Variants in ANKRD6 observed in about 807,000 individuals in gnomAD.
ANKRD6 encodes the protein ankyrin repeat domain-containing protein 6.
In ANKRD6, 56 loss-of-function variants were observed where a neutral mutation model predicts 82.3. The observed-to-expected ratio is 0.68, with a 90% CI of 0.55 to 0.85. The LOEUF (loss-of-function observed/expected upper bound fraction) is 0.85. ANKRD6 is among the 40% of genes least tolerant of loss of function. ANKRD6 has a pLI of 0.00. For missense variants in ANKRD6, 852 were observed against 907.6 expected, an observed-to-expected ratio of 0.94 and a Z score of 0.79; for synonymous variants, 347 against 352.1, an observed-to-expected ratio of 0.99 and a Z score of 0.16.
intron 1 of ANKRD6, among the ~76,000 whole-genome samples, chr6:89,449,805 C>T (rs1381610196): frequency 2.0e-5 from 3 of 152,194 alleles, no homozygotes; most frequent in African/African-American, 7.2e-5. Flanking sequence ...TTATAATTCT[C>T]TTTTCTAACT....
chr6:89,543,188 T>C (rs1215098274), intron 1 of ANKRD6, among the ~76,000 whole-genome samples: 3 of 152,328 alleles, frequency 2.0e-5, no homozygotes, highest in Admixed American at 6.5e-5. Flanking sequence ...AATATACTAC[T>C]TTTTATGAGT....
rs200296488 is a variant in ANKRD6, at chr6:89,630,660, G to C, written c.1840G>C (p.Val614Leu). ...ATCTGATCAGCAGGCTGGGCCCTGC[G>C]TCAACAGAGGCACTCAAACTAAGAA... Reference protein sequence around the residue: ...ARSDQQAGPCVNRGTQTKKSG... With the variant: ...ARSDQQAGPCLNRGTQTKKSG... The change falls in exon 16 of 16, where the codon GTC (valine) becomes CTC (leucine). Residue 614 changes from valine (V) to leucine (L), a missense_variant. Transcript: ENST00000339746. The C allele has an allele frequency of 2.0e-5, 33 of 1,613,792 alleles. No individual in the cohort carries two copies. Among genetic ancestry groups the C allele is most frequent in the Non-Finnish European group, 2.6e-5 (31 of 1,179,840 alleles).
intron 1 of ANKRD6, among the ~76,000 whole-genome samples, chr6:89,521,765 A>G (rs979882940): frequency 6.6e-6 from 1 of 151,886 alleles, no homozygotes; most frequent in Non-Finnish European, 1.5e-5. Flanking sequence ...TTTCCTTATT[A>G]TATAAATAAT....
At chr6:89,575,766 A>G (rs997391688) in intron 2 of ANKRD6, among the ~76,000 whole-genome samples, 17 of 152,226 alleles carry the variant, frequency 1.1e-4, no homozygotes, top group African/African-American at 3.9e-4. Context: ...CAAATAGGGC[A>G]TGCCAGAGCC....
intron 1 of ANKRD6, among the ~76,000 whole-genome samples, chr6:89,472,542 C>T (rs777797734): frequency 5.3e-5 from 8 of 152,188 alleles, no homozygotes; most frequent in Non-Finnish European, 1.2e-4. Flanking sequence ...TTTCTTGACT[C>T]CTGGGTCTTT....
At position 89,602,656 on chromosome 6, in the gene ANKRD6, CATTGCTGCTTT is replaced by C. The variant is rs1583643541; in HGVS notation, c.220-371_220-361del. ...CTCGGCAGGCAGTAGAGATTCCAGG[CATTGCTGCTTT>C]AATTGCATAGCACACACCTGCCCTC... On this transcript the variant is annotated intron_variant, in intron 3 of 15. Transcript: ENST00000339746. 5 of 188,554 alleles carry C rather than the reference CATTGCTGCTTT, an allele frequency of 2.7e-5. No individual in the cohort carries two copies. The East Asian group carries it at 6.6e-4, about 25-fold the overall frequency. The allele number at this position is 188,554 out of a possible 1,614,324, so 11.7% of individuals were successfully genotyped here. A position where few individuals can be genotyped will look rare whatever the true frequency, so the allele number is the denominator to read the frequency against.
chr6:89,474,317 C>T (rs1775809336), intron 1 of ANKRD6, among the ~76,000 whole-genome samples: 1 of 152,172 alleles, frequency 6.6e-6, no homozygotes, highest in South Asian at 2.1e-4. Context: ...TTTCCCACAT[C>T]TCTGTAGCTG....
chr6:89,544,636 C>T (rs1375132377), intron 1 of ANKRD6, among the ~76,000 whole-genome samples: 3 of 152,036 alleles, frequency 2.0e-5, no homozygotes, highest in African/African-American at 7.2e-5. Context: ...ATTGCTTGAA[C>T]CCAGGAGGCG....
At chr6:89,613,979 G>A in intron 7 of ANKRD6, 89 bp downstream of exon 7, 2 of 1,325,108 alleles carry the variant, frequency 1.5e-6, no homozygotes, top group Non-Finnish European at 1.0e-6. Flanking sequence ...AGCAGAGGCT[G>A]CTGGGAAGCT....
In ANKRD6 at chr6:89,632,366, G is replaced by GAA. The variant is rs1807572773; in HGVS notation, c.*1366_*1367dup. On this transcript the variant is annotated 3_prime_UTR_variant, in exon 16 of 16. Transcript: ENST00000339746. ...TCCATAGATATAGACATTCCTAAAA[G>GAA]AAAAATAATTCAGTAGATATATGTC... 2.6e-5 allele frequency: 1 copy of GAA among 38,602 alleles called. No individual in the cohort carries two copies. The highest frequency in any genetic ancestry group is 5.3e-5 in the Non-Finnish European group (1 of 18,884). 2.4% of individuals were successfully genotyped at this position (38,602 alleles called of 1,614,324 possible).
intron 1 of ANKRD6, among the ~76,000 whole-genome samples, chr6:89,549,924 AAAG>A (rs1049627782): frequency 3.3e-5 from 5 of 151,914 alleles, no homozygotes; most frequent in African/African-American, 1.2e-4. Flanking sequence ...AAAAAAAAGA[AAAG>A]AAAAAAAAAG....
intron 1 of ANKRD6, among the ~76,000 whole-genome samples, chr6:89,487,611 G>T (rs200590437): frequency 6.6e-6 from 1 of 152,046 alleles, no homozygotes; most frequent in Non-Finnish European, 1.5e-5. Flanking sequence ...ATTGTTCTGG[G>T]GCAAGCATTA....
intron 2 of ANKRD6, 32 bp from the exon 3 acceptor site, chr6:89,595,884 T>G (rs1361057040): frequency 6.4e-7 from 1 of 1,555,862 alleles, no homozygotes; most frequent in Admixed American, 1.8e-5. Flanking sequence ...TGAGGACTTG[T>G]TCCGAAATCA....
At chr6:89,470,431 C>T (rs1043389637) in intron 1 of ANKRD6, among the ~76,000 whole-genome samples, 1 of 152,144 alleles carries the variant, frequency 6.6e-6, no homozygotes, top group Non-Finnish European at 1.5e-5. Context: ...TCAGCCTGGG[C>T]AACATAGCGA....
chr6:89,534,547 T>C (rs1016898779), intron 1 of ANKRD6, among the ~76,000 whole-genome samples: 7 of 152,198 alleles, frequency 4.6e-5, no homozygotes, highest in Admixed American at 6.5e-5. Context: ...GGTGATCATT[T>C]AGAACTGTCT....
chr6:89,573,835 G>A (rs1403968867), intron 2 of ANKRD6, among the ~76,000 whole-genome samples: 3 of 152,140 alleles, frequency 2.0e-5, no homozygotes, highest in Admixed American at 1.3e-4. Context: ...AAGGCCTTTT[G>A]CATCCACTCT....
At chr6:89,535,757 G>A (rs1002273378) in intron 1 of ANKRD6, among the ~76,000 whole-genome samples, 6 of 152,218 alleles carry the variant, frequency 3.9e-5, no homozygotes, top group Admixed American at 1.3e-4. Context: ...AAGCTAGGGA[G>A]GCAGTGTCAC....
chr6:89,562,895 G>A (rs1358133519), intron 1 of ANKRD6: 1 of 152,154 alleles, frequency 6.6e-6, no homozygotes, highest in African/African-American at 2.4e-5. Flanking sequence ...ACAGCCCCTC[G>A]GATGTGAGTA....
At chr6:89,594,422 C>A (rs1189135472) in intron 2 of ANKRD6, among the ~76,000 whole-genome samples, 3 of 151,418 alleles carry the variant, frequency 2.0e-5, no homozygotes, top group Non-Finnish European at 4.4e-5. Flanking sequence ...CCATTGCACT[C>A]CAGCCTGGGC....
Sources: gnomAD v4.1 joint callset for allele counts (sites outside exome capture counted in the v4.1 genomes callset) on GRCh38, gnomAD v4.1.1 for gene constraint, MANE v1.5 for transcripts, NCBI Gene and HGNC (gene_info 2026-07-23, HGNC 2026-07-21) for gene names.